Variants in ACAP1 observed in about 807,000 individuals in gnomAD.
ACAP1 encodes arf-GAP with coiled-coil, ANK repeat and PH domain-containing protein 1.
ACAP1 carries 45 observed loss-of-function variants against 98.8 expected under a neutral mutation model. The observed-to-expected ratio is 0.46, with a 90% CI of 0.36 to 0.58. The LOEUF is 0.58. ACAP1 is among the 20% of genes least tolerant of loss of function. ACAP1 has a pLI of 0.00. For synonymous variants in ACAP1, 362 were observed against 375.3 expected, an observed-to-expected ratio of 0.96 and a Z score of 0.41; for missense variants, 735 against 971.4, an observed-to-expected ratio of 0.76 and a Z score of 3.24.
intron 17 of ACAP1, chr17:7,348,716 G>A (rs2073372774): frequency 1.5e-5 from 9 of 585,462 alleles, no homozygotes; most frequent in South Asian, 2.6e-5. Flanking sequence ...GAGAGAGGGG[G>A]TGGGTTTGGC....
Position 7,350,436 on chromosome 17 carries a change from CGGGA to C in ACAP1, c.2072+203_2072+206del, listed in dbSNP as rs1272371728. The C allele has an allele frequency of 2.9e-6, 1 of 345,356 alleles. No homozygotes were observed. Among genetic ancestry groups the C allele is most frequent in the African/African-American group, 2.2e-5 (1 of 45,156 alleles). 21.4% of individuals were successfully genotyped at this position (345,356 alleles called of 1,614,324 possible). A position where few individuals can be genotyped will look rare whatever the true frequency, so the allele number is the denominator to read the frequency against. On this transcript the variant is annotated intron_variant, in intron 20 of 21. Coordinates refer to ENST00000158762, the MANE Select transcript of ACAP1 (RefSeq NM_014716.4). This position sits in a 1 kb window ranked among gnomAD's most constrained non-coding sequence, Gnocchi z 4.6. ...ACTGGGACGTGGAGTAGAAGGCAGGCGGGAGGGCGGGCAGGGTGCAAGGATGCTT... is the reference window on the plus strand; with the variant it reads ...ACTGGGACGTGGAGTAGAAGGCAGGCGGGCGGGCAGGGTGCAAGGATGCTT...
chr17:7,346,960 G>T, intron 13 of ACAP1, 29 bp downstream of exon 13: 1 of 1,594,780 alleles, frequency 6.3e-7, no homozygotes, highest in Non-Finnish European at 8.6e-7. Context: ...GCGGAGCCAG[G>T]CTGCCTGTGG....
chr17:7,344,209 C>A lies in ACAP1; in HGVS notation c.744+86C>A. 1 of 1,407,794 alleles carries A rather than the reference C, an allele frequency of 7.1e-7. No homozygotes were observed. Among genetic ancestry groups the A allele is most frequent in the South Asian group, 1.3e-5 (1 of 79,858 alleles). 87.2% of individuals were successfully genotyped at this position (1,407,794 alleles called of 1,614,324 possible). On this transcript the variant is annotated intron_variant, in intron 9 of 21. Transcript: ENST00000158762. This position sits in a 1 kb window ranked among gnomAD's most constrained non-coding sequence, Gnocchi z 4.9. ...GGAAGATTGCTTGAGGCCTGGAGTT[C>A]AAGATTAGCCTAGGCATCGTAGTGA...
At chr17:7,337,257 A>C in intron 1 of ACAP1, 55 bp from the exon 2 acceptor site, 1 of 1,554,048 alleles carries the variant, frequency 6.4e-7, no homozygotes, top group South Asian at 1.1e-5. Context: ...CCGCCTGATG[A>C]GGCAGACAGA....
intron 17 of ACAP1, 107 bp downstream of exon 17, chr17:7,348,582 T>C (rs1336925064): frequency 1.6e-6 from 2 of 1,264,662 alleles, no homozygotes; most frequent in Admixed American, 3.2e-5. Context: ...CGCTGGACAA[T>C]GTCGGAGGGA....
In ACAP1 at chr17:7,343,463, G is replaced by A. The variant is rs371072133; in HGVS notation, c.429G>A (p.Glu143=). Residue 143 remains glutamate, a synonymous_variant, in exon 6 of 22, where the codon GAG becomes GAA. Coordinates refer to ENST00000158762, the MANE Select transcript of ACAP1 (RefSeq NM_014716.4). This position sits in a 1 kb window ranked among gnomAD's most constrained non-coding sequence, Gnocchi z 4.9. ...SLEAALTHNA[E]VPRRRAQEAE... is the part of the protein sequence containing the mutation. ...AGGCTGCCCTGACCCACAACGCAGA[G>A]GTTCCCAGGCGCCGGGCCCAGGAGG... The A allele has an allele frequency of 2.8e-5, 46 of 1,614,074 alleles. No homozygotes were observed. Among genetic ancestry groups the A allele is most frequent in the Non-Finnish European group, 3.8e-5 (45 of 1,180,040 alleles).
At chr17:7,351,233 G>T in intron 21 of ACAP1, 62 bp from the exon 22 acceptor site, 1 of 1,416,956 alleles carries the variant, frequency 7.1e-7, no homozygotes, top group East Asian at 2.4e-5. Context: ...GGCCCCAACC[G>T]CCGGATCCTG....
chr17:7,342,308 C>T lies in ACAP1; in HGVS notation c.265C>T (p.His89Tyr), dbSNP rs781574569. The T allele has an allele frequency of 2.5e-6, 4 of 1,614,056 alleles. No individual in the cohort carries two copies. The East Asian group carries it at 8.9e-5, about 36-fold the overall frequency. ...CLEKFTVSLN[H>Y]KLDSHAELLD... ...GGAAAAATTCACCGTGAGCCTGAAC[C>T]ACAAGCTGGACAGCCATGCGGTAAG... The change falls in exon 4 of 22, where the codon CAC becomes TAC. Residue 89 changes from histidine (H) to tyrosine (Y), a missense_variant. His to Tyr is a moderately conservative substitution (Grantham distance 83). Coordinates refer to ENST00000158762, the MANE Select transcript of ACAP1 (RefSeq NM_014716.4).
intron 15 of ACAP1, 31 bp downstream of exon 15, chr17:7,348,022 A>C: frequency 6.2e-7 from 1 of 1,613,518 alleles, no homozygotes; most frequent in Non-Finnish European, 8.5e-7. Flanking sequence ...GATTGGGGGC[A>C]AGAACTTGGG....
At chr17:7,346,583 A>C in intron 12 of ACAP1, 92 bp downstream of exon 12, 1 of 1,262,344 alleles carries the variant, frequency 7.9e-7, no homozygotes, top group South Asian at 1.5e-5. Flanking sequence ...CCCCCCATGC[A>C]GCTCCAGACT....
At position 7,347,642 on chromosome 17, in the gene ACAP1, AAAGTGTCAC is replaced by A. The variant is rs566893986; in HGVS notation, c.1344-270_1344-262del. On this transcript the variant is annotated intron_variant, in intron 14 of 21. Transcript: ENST00000158762. ...TGACATGGGAGAGGTTGTCCAGGCCAAAGTGTCACAAGTGTCACTAGAGAAGGGAGGTGG... is the reference window on the plus strand; with the variant it reads ...TGACATGGGAGAGGTTGTCCAGGCCAAAGTGTCACTAGAGAAGGGAGGTGG... The A allele has an allele frequency of 7.4e-5, 42 of 566,610 alleles. No individual in the cohort carries two copies. The East Asian group carries it at 1.2e-3, about 16-fold the overall frequency. 35.1% of individuals were successfully genotyped at this position (566,610 alleles called of 1,614,324 possible).
chr17:7,339,364 A>G (rs2073252832), intron 2 of ACAP1, among the ~76,000 whole-genome samples: 2 of 152,128 alleles, frequency 1.3e-5, no homozygotes, highest in Admixed American at 1.3e-4. Flanking sequence ...TAATCCCAGC[A>G]CTTTGGTAGG....
Position 7,337,307 on chromosome 17 carries a change from C to CA in ACAP1, c.54-5_54-4insA. Reference sequence around the variant, plus strand: ...GCTCTCTTCCCATGACCCCCTCTTTCCCAGAGCCTCTATTGAGCTGGTGGA... The same window carrying CA: ...GCTCTCTTCCCATGACCCCCTCTTTCACCAGAGCCTCTATTGAGCTGGTGGA... On this transcript the variant is annotated splice_region_variant and splice_polypyrimidine_tract_variant and intron_variant, in intron 1 of 21. Coordinates refer to ENST00000158762, the MANE Select transcript of ACAP1 (RefSeq NM_014716.4). The CA allele has an allele frequency of 6.2e-7, 1 of 1,614,008 alleles. No homozygotes were observed. The highest frequency in any genetic ancestry group is 1.1e-5 in the South Asian group (1 of 91,080).
Position 7,344,044 on chromosome 17 carries a change from C to A in ACAP1, c.670-5C>A, listed in dbSNP as rs1296961269. 1 of 1,589,904 alleles carries A rather than the reference C, an allele frequency of 6.3e-7. No homozygotes were observed. Among genetic ancestry groups the A allele is most frequent in the Non-Finnish European group, 8.6e-7 (1 of 1,167,548 alleles). On this transcript the variant is annotated splice_region_variant and splice_polypyrimidine_tract_variant and intron_variant, in intron 8 of 21. Coordinates refer to ENST00000158762, the MANE Select transcript of ACAP1 (RefSeq NM_014716.4). The surrounding 1 kb of genome is among the most constrained non-coding windows in gnomAD (Gnocchi z 4.9). Reference sequence around the variant, plus strand: ...GGACATCTGAGATGCCCTTCCTGTGCCCAGTTGCACCAGCTGGTCTTGAAT... The same window carrying A: ...GGACATCTGAGATGCCCTTCCTGTGACCAGTTGCACCAGCTGGTCTTGAAT...
chr17:7,341,845 G>A, intron 2 of ACAP1, 103 bp from the exon 3 acceptor site: 1 of 1,538,736 alleles, frequency 6.5e-7, no homozygotes, highest in Non-Finnish European at 8.8e-7. Flanking sequence ...AGGAATAGGG[G>A]AGCGCCGCCC....
At chr17:7,337,440 G>C in intron 2 of ACAP1, 71 bp downstream of exon 2, 1 of 1,384,204 alleles carries the variant, frequency 7.2e-7, no homozygotes, top group Non-Finnish European at 1.0e-6. Flanking sequence ...GAGAAAGCTG[G>C]AGACACAGAA....
chr17:7,339,582 C>T (rs1007558679), intron 2 of ACAP1, among the ~76,000 whole-genome samples: 1 of 151,920 alleles, frequency 6.6e-6, no homozygotes, highest in Non-Finnish European at 1.5e-5. Flanking sequence ...CACACTCCAG[C>T]CTGCGGAGGT....
Position 7,350,276 on chromosome 17 carries a change from C to G in ACAP1, c.2072+39C>G. Reference sequence around the variant, plus strand: ...AAGGGGCGGGGCTGGCGCTGGGACTCCCCCCACCCCCGCCCACCCACGTTC... The same window carrying G: ...AAGGGGCGGGGCTGGCGCTGGGACTGCCCCCACCCCCGCCCACCCACGTTC... On this transcript the variant is annotated intron_variant, in intron 20 of 21. Coordinates refer to ENST00000158762, the MANE Select transcript of ACAP1 (RefSeq NM_014716.4). This position sits in a 1 kb window ranked among gnomAD's most constrained non-coding sequence, Gnocchi z 4.6. 1 of 1,535,880 alleles carries G rather than the reference C, an allele frequency of 6.5e-7. No individual in the cohort carries two copies. The highest frequency in any genetic ancestry group is 9.0e-7 in the Non-Finnish European group (1 of 1,114,976).
rs2292068 is a variant in ACAP1 at position 7,350,340 on chromosome 17, T to A, written c.2072+103T>A. The stretch of plus-strand genomic sequence containing the variant: ...GGGCTGACGCCGAAACAGAAGCCTG[T>A]GCTGTGGGGCCTCGGAAAGGGGCTG... On this transcript the variant is annotated intron_variant, in intron 20 of 21. Coordinates refer to ENST00000158762, the MANE Select transcript of ACAP1 (RefSeq NM_014716.4). The surrounding 1 kb of genome is among the most constrained non-coding windows in gnomAD (Gnocchi z 4.6). 3.2e-6 allele frequency: 3 copies of A among 945,238 alleles called. No homozygotes were observed. Among genetic ancestry groups the A allele is most frequent in the Admixed American group, 2.6e-5 (1 of 38,400 alleles). The allele number at this position is 945,238 out of a possible 1,614,324, so 58.6% of individuals were successfully genotyped here.
Sources: allele counts gnomAD v4.1 joint callset (sites outside exome capture counted in the v4.1 genomes callset), GRCh38; gene constraint gnomAD v4.1.1; non-coding constraint Gnocchi (gnomAD v3.1); transcripts MANE v1.5; gene names NCBI Gene and HGNC (gene_info 2026-07-23, HGNC 2026-07-21).